The following CACTIN variants were observed in gnomAD, a reference collection of about 807,000 sequenced individuals.
CACTIN encodes the protein splicing factor Cactin.
A neutral mutation model predicts 84.9 loss-of-function variants in CACTIN; 20 were observed. That is an observed-to-expected ratio of 0.24 (90% CI 0.17 to 0.34). The LOEUF is 0.34. Among genes scored for constraint, CACTIN ranks in the 10% least tolerant of loss-of-function variants. The pLI is 1.00. For synonymous variants in CACTIN, 549 were observed against 467.9 expected, an observed-to-expected ratio of 1.17 and a Z score of -2.24; for missense variants, 897 against 1,117.2, an observed-to-expected ratio of 0.80 and a Z score of 2.81.
At position 3,613,295 on chromosome 19, in the gene CACTIN, C is replaced by T. The variant is rs942131606; in HGVS notation, c.1549G>A (p.Val517Met). The T allele has an allele frequency of 7.5e-6, 12 of 1,598,508 alleles. No individual in the cohort carries two copies. The highest frequency in any genetic ancestry group is 9.4e-6 in the Non-Finnish European group (11 of 1,175,878). ...CCCTCTGTCGGGGTCGCGCCGTCCA[C>T]CTCGGCCTCCGCGGGGCCGCCCTCC... The part of the protein sequence containing the change: ...SSEGGPAEAE[V>M]DGATPTEGDG... The change falls in exon 9 of 10, where the codon GTG (valine) becomes ATG (methionine). Residue 517 changes from valine to methionine, a missense_variant. Physicochemically the swap from Val to Met is conservative, Grantham distance 21. Around this residue, in one of 8 missense-constraint regions of CACTIN, gnomAD observed 243 missense variants for 239.9 expected, o/e 1.01. Coordinates refer to ENST00000429344, the MANE Select transcript of CACTIN (RefSeq NM_001080543.2).
At chr19:3,612,796 C>T (rs1398262431) in intron 9 of CACTIN, 4 of 704,042 alleles carry the variant, frequency 5.7e-6, no homozygotes, top group African/African-American at 1.7e-5. Context: ...ACGGAGGCTG[C>T]CCAGGGAGTG....
intron 1 of CACTIN, among the ~76,000 whole-genome samples, chr19:3,624,942 G>T (rs147753464): frequency 1.3e-5 from 2 of 150,996 alleles, no homozygotes; most frequent in East Asian, 1.9e-4. Context: ...TGTCACACAG[G>T]CTGGAGTGCA....
chr19:3,620,907 G>T, intron 2 of CACTIN, 105 bp from the exon 3 acceptor site: 1 of 858,344 alleles, frequency 1.2e-6, no homozygotes, highest in Non-Finnish European at 1.9e-6. Context: ...TTTGCAGAGA[G>T]AGGTGACCTG....
chr19:3,613,704 C>T (rs1420194991), intron 7 of CACTIN, 118 bp from the exon 8 acceptor site: 3 of 1,418,576 alleles, frequency 2.1e-6, no homozygotes, highest in African/African-American at 1.4e-5. Flanking sequence ...CGAGCAGCCA[C>T]GGCTCTGGCT....
chr19:3,619,844 C>T (rs560930711), intron 4 of CACTIN, among the ~76,000 whole-genome samples: 8 of 152,240 alleles, frequency 5.3e-5, no homozygotes, highest in Non-Finnish European at 8.8e-5. Flanking sequence ...GGGGTGCCAC[C>T]CTCCTGGGTG....
chr19:3,620,576 C>A, intron 3 of CACTIN, 131 bp downstream of exon 3: 1 of 719,512 alleles, frequency 1.4e-6, no homozygotes, highest in Middle Eastern at 3.9e-4. Context: ...GGTCTGAGCC[C>A]CTGGATCCAG....
chr19:3,613,730 G>A, intron 7 of CACTIN, 144 bp from the exon 8 acceptor site: 1 of 1,240,364 alleles, frequency 8.1e-7, no homozygotes, highest in South Asian at 1.5e-5. Context: ...CTTTGCCCAG[G>A]CTTGGTCAGT....
chr19:3,619,317 A>C, intron 4 of CACTIN, 75 bp from the exon 5 acceptor site: 1 of 1,530,510 alleles, frequency 6.5e-7, no homozygotes, highest in Non-Finnish European at 8.8e-7. Context: ...CCTTGGGGTG[A>C]CCACACCAGT....
intron 4 of CACTIN, among the ~76,000 whole-genome samples, chr19:3,619,795 C>T (rs896268987): frequency 1.3e-5 from 2 of 152,126 alleles, no homozygotes; most frequent in Admixed American, 1.3e-4. Context: ...CAAGCAGGGA[C>T]ACCCCGGAGC....
At position 3,620,446 on chromosome 19, in the gene CACTIN, CGA is replaced by C. The variant is rs2033199825; in HGVS notation, c.739-176_739-175del. On this transcript the variant is annotated intron_variant, in intron 3 of 9. Coordinates refer to ENST00000429344, the MANE Select transcript of CACTIN (RefSeq NM_001080543.2). The stretch of plus-strand genomic sequence containing the variant: ...TGGGAAGGGAGAGGGCCCTCCTGCC[CGA>C]GACTCAGCAGCTCAGATCAGCTGGG... 3 of 805,666 alleles carry C rather than the reference CGA, an allele frequency of 3.7e-6. No individual in the cohort carries two copies. In the South Asian group the frequency reaches 4.4e-5, roughly 12 times the overall value. The allele number at this position is 805,666 out of a possible 1,614,324, so 49.9% of individuals were successfully genotyped here.
At chr19:3,614,931 C>T in intron 6 of CACTIN, 6 of 390,470 alleles carry the variant, frequency 1.5e-5, no homozygotes, top group South Asian at 1.4e-4. Context: ...AGTTGTGGGC[C>T]CGGCCCACCA....
Position 3,626,718 on chromosome 19 carries a change from C to G in CACTIN, c.45G>C (p.Arg15=). The change falls in exon 1 of 10, where the codon CGG becomes CGC. Residue 15 remains arginine, a synonymous_variant. Transcript: ENST00000429344. Reference sequence around the variant, plus strand: ...CGCTCTGACTCTGCCGCCTTCGGCCCCGGCGACCCGCGGACCGCGAGCGCG... The same window carrying G: ...CGCTCTGACTCTGCCGCCTTCGGCCGCGGCGACCCGCGGACCGCGAGCGCG... ...TRSRSRSAGR[R]GRRRQSQSGS... is the part of the protein sequence containing the mutation. 1 of 1,497,782 alleles carries G rather than the reference C, an allele frequency of 6.7e-7. No individual in the cohort carries two copies. The highest frequency in any genetic ancestry group is 8.8e-7 in the Non-Finnish European group (1 of 1,130,220). 92.8% of individuals were successfully genotyped at this position (1,497,782 alleles called of 1,614,324 possible).
In CACTIN at chr19:3,618,906, G is replaced by T. The variant is rs867181065; in HGVS notation, c.1131C>A (p.Leu377=). The T allele has an allele frequency of 4.5e-6, 7 of 1,555,956 alleles. No individual in the cohort carries two copies. In the Middle Eastern group the frequency reaches 8.3e-4, roughly 185 times the overall value. ...TTITEDEISK[L]RKLEASGKGP... Reference sequence around the variant, plus strand: ...CCTTGCCCGAGGCCTCCAGCTTGCGGAGCTTGGAGATCTCGTCCTCGGTGA... The same window carrying T: ...CCTTGCCCGAGGCCTCCAGCTTGCGTAGCTTGGAGATCTCGTCCTCGGTGA... The change falls in exon 6 of 10, where the codon CTC becomes CTA. Residue 377 remains leucine, a synonymous_variant. Coordinates refer to ENST00000429344, the MANE Select transcript of CACTIN (RefSeq NM_001080543.2).
At chr19:3,626,223 TAA>T (rs772027162) in intron 1 of CACTIN, among the ~76,000 whole-genome samples, 10 of 152,128 alleles carry the variant, frequency 6.6e-5, no homozygotes, top group African/African-American at 9.7e-5. Flanking sequence ...TATGCAGAGT[TAA>T]GTCAGTCCAC....
rs767751658 is a variant in CACTIN at position 3,620,802 on chromosome 19, C to T, written c.643G>A (p.Ala215Thr). 1.2e-6 allele frequency: 2 copies of T among 1,612,232 alleles called. No homozygotes were observed. Reference sequence around the variant, plus strand: ...TGGCTGATCCCCTTCTTCTCCAGGGCCTGGAAGCACCAGGCACACCTGCCC... The same window carrying T: ...TGGCTGATCCCCTTCTTCTCCAGGGTCTGGAAGCACCAGGCACACCTGCCC... ...NLLGTFIWNK[A>T]LEKKGISHLE... Residue 215 changes from alanine to threonine, a missense_variant and splice_region_variant, in exon 3 of 10, where the codon GCC (alanine) becomes ACC (threonine). Ala to Thr is a moderately conservative substitution (Grantham distance 58, BLOSUM62 0). Coordinates refer to ENST00000429344, the MANE Select transcript of CACTIN (RefSeq NM_001080543.2).
intron 2 of CACTIN, among the ~76,000 whole-genome samples, chr19:3,621,441 C>G (rs1217688499): frequency 6.6e-6 from 1 of 152,234 alleles, no homozygotes; most frequent in African/African-American, 2.4e-5. Context: ...TCCCGGTGCC[C>G]CGTCGCCATG....
At chr19:3,619,776 G>T (rs1480782127) in intron 4 of CACTIN, among the ~76,000 whole-genome samples, 1 of 152,142 alleles carries the variant, frequency 6.6e-6, no homozygotes, top group Non-Finnish European at 1.5e-5. Flanking sequence ...CCCGCCACGG[G>T]GCCCAAGGCA....
chr19:3,618,391 A>C (rs1333352783), intron 6 of CACTIN, among the ~76,000 whole-genome samples: 3 of 152,064 alleles, frequency 2.0e-5, no homozygotes, highest in Non-Finnish European at 4.4e-5. Flanking sequence ...GCTTTAGAGC[A>C]TCCCCGGTGA....
chr19:3,618,911 T>C lies in CACTIN; in HGVS notation c.1126A>G (p.Lys376Glu), dbSNP rs1308487338. ...CCCGAGGCCTCCAGCTTGCGGAGCTTGGAGATCTCGTCCTCGGTGATGGTG... is the reference window on the plus strand; with the variant it reads ...CCCGAGGCCTCCAGCTTGCGGAGCTCGGAGATCTCGTCCTCGGTGATGGTG... ...MTTITEDEIS[K>E]LRKLEASGKG... Residue 376 changes from lysine (K) to glutamate (E), a missense_variant, in exon 6 of 10, where the codon AAG becomes GAG. Around this residue, in one of 8 missense-constraint regions of CACTIN, gnomAD observed 304 missense variants for 444.3 expected, o/e 0.68. Coordinates refer to ENST00000429344, the MANE Select transcript of CACTIN (RefSeq NM_001080543.2). 1 of 1,556,812 alleles carries C rather than the reference T, an allele frequency of 6.4e-7. No homozygotes were observed. Among genetic ancestry groups the C allele is most frequent in the East Asian group, 2.4e-5 (1 of 41,332 alleles).
Sources: gnomAD v4.1 joint callset for allele counts (sites outside exome capture counted in the v4.1 genomes callset) on GRCh38, gnomAD v4.1.1 for gene constraint, gnomAD v4.1.1 regional missense constraint, MANE v1.5 for transcripts, NCBI Gene and HGNC (gene_info 2026-07-23, HGNC 2026-07-21) for gene names.